Variants in RABGAP1 observed in about 807,000 individuals in gnomAD.
The protein encoded by RABGAP1 is rab GTPase-activating protein 1.
RABGAP1 carries 23 observed loss-of-function variants against 137.6 expected under a neutral mutation model. The observed-to-expected ratio is 0.17, with a 90% CI of 0.12 to 0.24. RABGAP1 has a LOEUF of 0.24. Among genes scored for constraint, RABGAP1 ranks in the 10% least tolerant of loss-of-function variants. RABGAP1 has a pLI of 1.00. For missense variants in RABGAP1, 906 were observed against 1,275.8 expected, an observed-to-expected ratio of 0.71 and a Z score of 4.42; for synonymous variants, 451 against 450.7, an observed-to-expected ratio of 1.00 and a Z score of -0.01.
chr9:123,000,352 CT>C (rs1837254215), intron 10 of RABGAP1, among the ~76,000 whole-genome samples: 1 of 151,696 alleles, frequency 6.6e-6, no homozygotes, highest in Non-Finnish European at 1.5e-5. Flanking sequence ...ATCTTTTACT[CT>C]TTTTTGGCCC....
intron 10 of RABGAP1, among the ~76,000 whole-genome samples, chr9:123,006,338 T>G (rs2030258468): frequency 6.6e-6 from 1 of 152,240 alleles, no homozygotes; most frequent in African/African-American, 2.4e-5. Context: ...TTTACTCTTT[T>G]AGATTTCTGA....
chr9:122,967,450 T>C (rs1334276178), intron 2 of RABGAP1, among the ~76,000 whole-genome samples: 3 of 152,206 alleles, frequency 2.0e-5, no homozygotes, highest in African/African-American at 7.2e-5. Context: ...GTTACTAGTA[T>C]GAAGAGAGAG....
chr9:123,065,319 A>C, intron 13 of RABGAP1, 29 bp from the exon 14 acceptor site: 2 of 1,491,256 alleles, frequency 1.3e-6, no homozygotes, highest in Non-Finnish European at 1.9e-6. Context: ...TAACCTAACT[A>C]AACCCTCTCT....
rs1312191229 is a variant in RABGAP1, at chr9:123,070,002, G to A, written c.1909-348G>A. Among the ~76,000 whole-genome samples the A allele has an allele frequency of 1.3e-5, 2 of 152,182 alleles. No homozygotes were observed. Among genetic ancestry groups the A allele is most frequent in the African/African-American group, 4.8e-5 (2 of 41,432 alleles). On this transcript the variant is annotated intron_variant, in intron 14 of 25. Transcript: ENST00000373647. The surrounding 1 kb of genome is among the most constrained non-coding windows in gnomAD (Gnocchi z 4.4). ...CTGGGGGAATTGAAATAAGTTTGGT[G>A]CCTGAAGGAAGAGTGCATGTTTGAG... is the stretch of plus-strand genomic sequence containing the variant.
chr9:123,023,295 A>G (rs896258871), intron 13 of RABGAP1, among the ~76,000 whole-genome samples: 1 of 152,030 alleles, frequency 6.6e-6, no homozygotes, highest in Non-Finnish European at 1.5e-5. Context: ...ATTCTCCTGC[A>G]TCAGCCTCCC....
chr9:122,990,287 C>T, intron 6 of RABGAP1, 74 bp downstream of exon 6: 1 of 1,275,968 alleles, frequency 7.8e-7, no homozygotes, highest in Non-Finnish European at 1.1e-6. Context: ...TTATAACTTT[C>T]ATACCATAAA....
intron 15 of RABGAP1, among the ~76,000 whole-genome samples, chr9:123,072,805 CCATAGA>C (rs2034397075): frequency 6.6e-6 from 1 of 152,204 alleles, no homozygotes; most frequent in African/African-American, 2.4e-5. Context: ...TCATCTTGTT[CCATAGA>C]AGCCTGCCCA....
In RABGAP1 at chr9:123,099,569, A is replaced by G; in HGVS notation, c.2889+20A>G. ...ATTCGGGTAAGACTTCTCTTTACCTAAAAGATTTTATACCACCTACTTCAT... is the reference window on the plus strand; with the variant it reads ...ATTCGGGTAAGACTTCTCTTTACCTGAAAGATTTTATACCACCTACTTCAT... On this transcript the variant is annotated intron_variant, in intron 24 of 25. Transcript: ENST00000373647. The G allele has an allele frequency of 6.4e-7, 1 of 1,574,408 alleles. No individual in the cohort carries two copies.
At chr9:123,028,146 AT>A (rs2032089628) in intron 13 of RABGAP1, among the ~76,000 whole-genome samples, 1 of 152,366 alleles carries the variant, frequency 6.6e-6, no homozygotes, top group African/African-American at 2.4e-5. Context: ...CCTAATAATT[AT>A]AGGTGAGTTA....
intron 14 of RABGAP1, among the ~76,000 whole-genome samples, chr9:123,066,380 C>T (rs1418977868): frequency 6.6e-6 from 1 of 152,202 alleles, no homozygotes; most frequent in Non-Finnish European, 1.5e-5. Flanking sequence ...CCCCTGCCAT[C>T]TCTCACTTTA....
the RABGAP1 span, among the ~76,000 whole-genome samples, chr9:122,931,851 G>A: frequency 6.6e-6 from 1 of 152,238 alleles, no homozygotes; most frequent in Non-Finnish European, 1.5e-5. Flanking sequence ...CCTTGGGCCT[G>A]AAGGGCTCCT....
intron 9 of RABGAP1, among the ~76,000 whole-genome samples, chr9:122,998,281 G>T (rs1354735316): frequency 6.6e-6 from 1 of 151,936 alleles, no homozygotes; most frequent in Admixed American, 6.6e-5. Flanking sequence ...TGTATTTTTA[G>T]TAGAGACAAG....
chr9:122,997,265 A>G lies in RABGAP1; in HGVS notation c.1108A>G (p.Met370Val), dbSNP rs776650528. ...TTTTACTCTTTTTTTCTAGGAATCT[A>G]TGGGCAAAAGTTCAGATGGAAAGTC... ...SDMHLLDLES[M>V]GKSSDGKSYV... The change falls in exon 9 of 26, where the codon ATG becomes GTG. Residue 370 changes from methionine (M) to valine (V), a missense_variant. Coordinates refer to ENST00000373647, the MANE Select transcript of RABGAP1 (RefSeq NM_012197.4). 10 of 1,603,198 alleles carry G rather than the reference A, an allele frequency of 6.2e-6. No individual in the cohort carries two copies. Among genetic ancestry groups the G allele is most frequent in the South Asian group, 1.1e-5 (1 of 89,048 alleles).
At chr9:123,053,599 T>C (rs2033577286) in intron 13 of RABGAP1, among the ~76,000 whole-genome samples, 1 of 152,188 alleles carries the variant, frequency 6.6e-6, no homozygotes, top group South Asian at 2.1e-4. Context: ...TCCTGTGAAG[T>C]ATATTGTAAA....
Position 123,074,259 on chromosome 9 carries a change from C to G in RABGAP1, c.2110-26C>G, listed in dbSNP as rs908408332. The stretch of plus-strand genomic sequence containing the variant: ...GGAATTGGACAGATGCATATGTGCC[C>G]AGAACTAATTGGTTTGCTATTTCAG... On this transcript the variant is annotated intron_variant, in intron 16 of 25. Transcript: ENST00000373647. 5 of 1,612,730 alleles carry G rather than the reference C, an allele frequency of 3.1e-6. No homozygotes were observed. The South Asian group carries it at 3.3e-5, about 11-fold the overall frequency.
At chr9:123,011,461 T>C (rs1588266990) in intron 11 of RABGAP1, among the ~76,000 whole-genome samples, 1 of 151,974 alleles carries the variant, frequency 6.6e-6, no homozygotes, top group Non-Finnish European at 1.5e-5. Context: ...TCTTCAAGTT[T>C]AGAGTGAGCA....
intron 13 of RABGAP1, among the ~76,000 whole-genome samples, chr9:123,063,771 A>C (rs1260630703): frequency 6.6e-6 from 1 of 152,232 alleles, no homozygotes; most frequent in Non-Finnish European, 1.5e-5. Context: ...TTCTGGATAC[A>C]ACTCCAACTT....
At chr9:123,101,531 T>C (rs2132251680) in intron 24 of RABGAP1, 35 bp from the exon 25 acceptor site, 5 of 1,594,310 alleles carry the variant, frequency 3.1e-6, no homozygotes, top group Non-Finnish European at 4.3e-6. Context: ...CCAGTTCCTC[T>C]TCTTTGCCTC....
chr9:122,963,711 T>A (rs949743325), intron 2 of RABGAP1, among the ~76,000 whole-genome samples: 1 of 151,972 alleles, frequency 6.6e-6, no homozygotes, highest in Admixed American at 6.6e-5. Flanking sequence ...CTTAAGACCC[T>A]GGTAGAAAGG....
Sources: allele counts gnomAD v4.1 joint callset (sites outside exome capture counted in the v4.1 genomes callset), GRCh38; gene constraint gnomAD v4.1.1; non-coding constraint Gnocchi (gnomAD v3.1); transcripts MANE v1.5; gene names NCBI Gene and HGNC (gene_info 2026-07-23, HGNC 2026-07-21).